The following IFNGR1 variants were observed in gnomAD, a reference collection of about 807,000 sequenced individuals.
IFNGR1 encodes AVP, type 2.
Under a neutral mutation model 35.4 loss-of-function variants are expected in IFNGR1, and 23 were observed. The observed-to-expected ratio is 0.65, with a 90% confidence interval of 0.47 to 0.92. The LOEUF is 0.92. IFNGR1 is among the 40% of genes least tolerant of loss of function. IFNGR1 has a pLI of 0.00. For missense variants in IFNGR1, 533 were observed against 583.4 expected, an observed-to-expected ratio of 0.91 and a Z score of 0.89; for synonymous variants, 199 against 209.5, an observed-to-expected ratio of 0.95 and a Z score of 0.43.
intron 1 of IFNGR1, 90 bp downstream of exon 1, chr6:137,219,153 G>A (rs1236801979): frequency 6.6e-7 from 1 of 1,512,362 alleles, no homozygotes; most frequent in East Asian, 2.5e-5. Context: ...GGGCGACCTC[G>A]GAGAAGCGGG....
rs193175981 is a variant in IFNGR1, at chr6:137,204,653, T to C, written c.374-149A>G. 75 of 706,346 alleles carry C rather than the reference T, an allele frequency of 1.1e-4. 1 individual carries two copies. In the East Asian group the frequency reaches 1.9e-3, roughly 18 times the overall value. 43.8% of individuals were successfully genotyped at this position (706,346 alleles called of 1,614,324 possible). A position where few individuals can be genotyped will look rare whatever the true frequency, so the allele number is the denominator to read the frequency against. ...CCACATTTAAACCACTCCACAAATA[T>C]CTAGAAGATAGTCTCGGGGTCCTTA... On this transcript the variant is annotated intron_variant, in intron 3 of 6. Transcript: ENST00000367739.
intron 6 of IFNGR1, among the ~76,000 whole-genome samples, chr6:137,200,216 T>A (rs1582630712): frequency 6.6e-6 from 1 of 152,222 alleles, no homozygotes; most frequent in East Asian, 1.9e-4. Context: ...ATAGCAAATT[T>A]TAATGTGCCC....
chr6:137,215,293 A>T, intron 1 of IFNGR1: 2 of 1,546,880 alleles, frequency 1.3e-6, no homozygotes, highest in Non-Finnish European at 1.7e-6. Flanking sequence ...GAATTGGAGA[A>T]GACTATTTTC....
intron 1 of IFNGR1, among the ~76,000 whole-genome samples, chr6:137,214,466 T>C (rs137976861): frequency 1.2e-3 from 188 of 152,360 alleles, no homozygotes; most frequent in East Asian, 6.5e-3. Context: ...CAAGTGTTCA[T>C]TGAAATCTTC....
chr6:137,219,136 C>G (rs566925297), intron 1 of IFNGR1, 107 bp downstream of exon 1: 2 of 1,449,764 alleles, frequency 1.4e-6, no homozygotes, highest in Admixed American at 4.0e-5. Context: ...GCAGGGGTCC[C>G]GGGCTAGGGC....
intron 1 of IFNGR1, among the ~76,000 whole-genome samples, chr6:137,217,627 G>C (rs1383437083): frequency 6.6e-6 from 1 of 152,190 alleles, no homozygotes. Context: ...AAGAAATGGA[G>C]AGTCCTAGCA....
intron 6 of IFNGR1, among the ~76,000 whole-genome samples, chr6:137,199,482 T>A (rs798250): frequency 8.2e-5 from 4 of 48,880 alleles, no homozygotes; most frequent in Non-Finnish European, 1.5e-4. Context: ...AATATATAAT[T>A]TATAATATAT....
rs146687518 is a variant in IFNGR1 at position 137,204,388 on chromosome 6, C to T, written c.490G>A (p.Glu164Lys). 49 of 1,613,848 alleles carry T rather than the reference C, an allele frequency of 3.0e-5. No individual in the cohort carries two copies. In the Middle Eastern group the frequency reaches 6.6e-4, roughly 22 times the overall value. Residue 164 changes from glutamate to lysine, a missense_variant, in exon 4 of 7, where the codon GAA (glutamate) becomes AAA (lysine). Physicochemically the swap from Glu to Lys is moderately conservative, Grantham distance 56 (BLOSUM62 1). Coordinates refer to ENST00000367739, the MANE Select transcript of IFNGR1 (RefSeq NM_000416.3). ...TACACCCTAATGTAACAGGTAGTTT[C>T]GGGATCATAATCGACTTCCTGCTCG... ...GDEQEVDYDP[E>K]TTCYIRVYNV...
chr6:137,201,374 C>T (rs986984829), intron 5 of IFNGR1, among the ~76,000 whole-genome samples: 1 of 152,100 alleles, frequency 6.6e-6, no homozygotes, highest in Admixed American at 6.5e-5. Context: ...AATACCTCTC[C>T]TTAGAAACAA....
chr6:137,219,199 C>A (rs765953088), intron 1 of IFNGR1, 44 bp downstream of exon 1: 4 of 1,571,222 alleles, frequency 2.5e-6, no homozygotes, highest in Non-Finnish European at 2.6e-6. Flanking sequence ...CCCTCCCTCC[C>A]TCTCGTCCCG....
chr6:137,210,878 C>T (rs1779559787), intron 1 of IFNGR1, among the ~76,000 whole-genome samples: 2 of 152,120 alleles, frequency 1.3e-5, no homozygotes, highest in Non-Finnish European at 2.9e-5. Flanking sequence ...TGGTATATTG[C>T]CTTAATTTAC....
intron 1 of IFNGR1, among the ~76,000 whole-genome samples, chr6:137,210,588 C>T (rs1779551328): frequency 6.6e-6 from 1 of 152,142 alleles, no homozygotes; most frequent in African/African-American, 2.4e-5. Context: ...TAATCATCCT[C>T]AAAAATTGTG....
At chr6:137,199,536 A>T (rs1195440780) in intron 6 of IFNGR1, among the ~76,000 whole-genome samples, 2 of 62,360 alleles carry the variant, frequency 3.2e-5, no homozygotes, top group South Asian at 7.6e-4. Flanking sequence ...ATAATATATA[A>T]TATATATTAT....
At chr6:137,218,405 T>G in intron 1 of IFNGR1, 1 of 937,740 alleles carries the variant, frequency 1.1e-6, no homozygotes, top group Middle Eastern at 2.5e-4. Context: ...AATAAGCAGG[T>G]GGAAATAAAA....
At chr6:137,217,135 T>C (rs934526284) in intron 1 of IFNGR1, among the ~76,000 whole-genome samples, 3 of 152,172 alleles carry the variant, frequency 2.0e-5, no homozygotes, top group Non-Finnish European at 2.9e-5. Context: ...CTACTAACTC[T>C]TCCTTCTAAA....
At position 137,198,304 on chromosome 6, in the gene IFNGR1, G is replaced by C. The variant is rs1779146397; in HGVS notation, c.1197C>G (p.Ser399=). 6.2e-7 allele frequency: 1 copy of C among 1,613,968 alleles called. No homozygotes were observed. The highest frequency in any genetic ancestry group is 1.7e-5 in the Admixed American group (1 of 59,976). ...AGTGATCACTCTCAGAACAATTTCTGGAGTGATACGAGTTTAAAGCGATGC... is the reference window on the plus strand; with the variant it reads ...AGTGATCACTCTCAGAACAATTTCTCGAGTGATACGAGTTTAAAGCGATGC... ...PGSIALNSYH[S]RNCSESDHSR... is the part of the protein sequence containing the mutation. The change falls in exon 7 of 7, where the codon TCC becomes TCG. Residue 399 remains serine, a synonymous_variant. Transcript: ENST00000367739.
At chr6:137,209,008 T>A (rs541000052) in intron 1 of IFNGR1, among the ~76,000 whole-genome samples, 2 of 152,350 alleles carry the variant, frequency 1.3e-5, no homozygotes, top group Non-Finnish European at 2.9e-5. Flanking sequence ...TACATCCGCA[T>A]GACCTGGATG....
intron 6 of IFNGR1, among the ~76,000 whole-genome samples, chr6:137,199,274 T>TTATATA (rs376706088): frequency 3.0e-5 from 4 of 131,626 alleles, no homozygotes; most frequent in African/African-American, 5.6e-5. Context: ...AAACTCCCCT[T>TTATATA]TATATATATA....
Position 137,203,085 on chromosome 6 carries a change from C to T in IFNGR1, c.733+414G>A, listed in dbSNP as rs1055181045. Among the ~76,000 whole-genome samples the T allele has an allele frequency of 3.3e-5, 5 of 152,302 alleles. No individual in the cohort carries two copies. The East Asian group carries it at 7.7e-4, about 23-fold the overall frequency. ...TAATCTCGAGTCTTTGTCCAGTCCACGTCATACAGTTGTAACCAGTGATCG... is the reference window on the plus strand; with the variant it reads ...TAATCTCGAGTCTTTGTCCAGTCCATGTCATACAGTTGTAACCAGTGATCG... On this transcript the variant is annotated intron_variant, in intron 5 of 6. Transcript: ENST00000367739.
Sources: gnomAD v4.1 joint callset for allele counts (sites outside exome capture counted in the v4.1 genomes callset) on GRCh38, gnomAD v4.1.1 for gene constraint, MANE v1.5 for transcripts, NCBI Gene and HGNC (gene_info 2026-07-23, HGNC 2026-07-21) for gene names.